The following PPM1A variants were observed in gnomAD, a reference collection of about 807,000 sequenced individuals.
PPM1A encodes protein phosphatase, Mg2+/Mn2+ dependent 1A.
In PPM1A, 7 loss-of-function variants were observed where a neutral mutation model predicts 35.0. That is an observed-to-expected ratio of 0.20 (90% CI 0.11 to 0.38). PPM1A has a LOEUF of 0.38. PPM1A is among the 10% of genes least tolerant of loss of function. The pLI is 1.00. For synonymous variants in PPM1A, 153 were observed against 167.3 expected (o/e 0.91, Z 0.66); for missense variants, 239 against 467.8 (o/e 0.51, Z 4.51).
At chr14:60,266,655 G>A (rs1038485373) in intron 1 of PPM1A, among the ~76,000 whole-genome samples, 12 of 152,220 alleles carry the variant, frequency 7.9e-5, no homozygotes, top group East Asian at 7.7e-4. Flanking sequence ...TGGATTCTCA[G>A]TTCTATTCCA....
chr14:60,296,936 A>T lies in PPM1A; in HGVS notation c.*4454A>T. On this transcript the variant is annotated 3_prime_UTR_variant, in exon 6 of 6. Coordinates refer to ENST00000395076, the MANE Select transcript of PPM1A (RefSeq NM_021003.5). The surrounding 1 kb of genome is among the most constrained non-coding windows in gnomAD (Gnocchi z 4.4). ...TTCTGCTCTCACTGTTTTCCTATTT[A>T]TATTACTAGCAGGTAGGAGTGCTAA... The T allele has an allele frequency of 3.7e-6, 1 of 267,394 alleles. No individual in the cohort carries two copies. The highest frequency in any genetic ancestry group is 6.9e-6 in the Non-Finnish European group (1 of 144,374). The allele number at this position is 267,394 out of a possible 1,614,324, so 16.6% of individuals were successfully genotyped here.
At chr14:60,285,805 TA>T in intron 3 of PPM1A, 64 bp downstream of exon 3, 1 of 1,584,706 alleles carries the variant, frequency 6.3e-7, no homozygotes, top group Non-Finnish European at 8.6e-7. Flanking sequence ...AATCAAACTT[TA>T]ACATTTTAGC....
chr14:60,251,890 A>G (rs1882470319), intron 1 of PPM1A, among the ~76,000 whole-genome samples: 1 of 152,148 alleles, frequency 6.6e-6, no homozygotes, highest in Non-Finnish European at 1.5e-5. Flanking sequence ...GGTTGAGACT[A>G]CAGGTTTGAA....
upstream of PPM1A, among the ~76,000 whole-genome samples, chr14:60,248,139 G>C (rs1192393643): frequency 6.6e-6 from 1 of 152,196 alleles, no homozygotes; most frequent in Admixed American, 6.5e-5. Flanking sequence ...TGGCTGCCTA[G>C]GGTTTGTCAT....
At chr14:60,249,006 G>A (rs553761433), upstream of PPM1A, among the ~76,000 whole-genome samples, 147 of 152,264 alleles carry the variant, frequency 9.7e-4, no homozygotes, top group African/African-American at 3.0e-3. This position sits in a 1 kb window ranked among gnomAD's most constrained non-coding sequence, Gnocchi z 4.5. Flanking sequence ...AGCAGCAGCG[G>A]CAGAGAAAGA....
chr14:60,246,653 C>T (rs74392750), upstream of PPM1A, among the ~76,000 whole-genome samples: 1,164 of 152,132 alleles, frequency 7.7e-3, 17 homozygotes, highest in African/African-American at 0.027. Context: ...TTCTATCTGT[C>T]CCCCCTTCTT....
rs542463602 is a variant in PPM1A at position 60,282,094 on chromosome 14, A to G, written c.-20-590A>G. Among the ~76,000 whole-genome samples the G allele has an allele frequency of 1.3e-5, 2 of 152,296 alleles. No homozygotes were observed. The highest frequency in any genetic ancestry group is 2.1e-4 in the South Asian group (1 of 4,828). On this transcript the variant is annotated intron_variant, in intron 1 of 5. Coordinates refer to ENST00000395076, the MANE Select transcript of PPM1A (RefSeq NM_021003.5). This position sits in a 1 kb window ranked among gnomAD's most constrained non-coding sequence, Gnocchi z 5.1. ...TAAAAGGATAGGTATACTTTTTTCT[A>G]TAAATAGGATGAGGCAAGAGTTTCC...
At chr14:60,288,084 G>T (rs1278593775) in intron 3 of PPM1A, 1 of 981,804 alleles carries the variant, frequency 1.0e-6, no homozygotes, top group Non-Finnish European at 1.2e-6. Flanking sequence ...TTTTTTGAAA[G>T]CAGACAGAAG....
intron 1 of PPM1A, among the ~76,000 whole-genome samples, chr14:60,280,147 G>A (rs1353297410): frequency 1.3e-5 from 2 of 152,002 alleles, no homozygotes; most frequent in African/African-American, 2.4e-5. Flanking sequence ...CCGGGATTAC[G>A]GGCATGCGCC....
chr14:60,277,043 A>T, intron 1 of PPM1A: 2 of 1,212,518 alleles, frequency 1.6e-6, no homozygotes, highest in Non-Finnish European at 2.1e-6. Context: ...TGATAATACT[A>T]GTGCTGTGAT....
At position 60,286,042 on chromosome 14, in the gene PPM1A, A is replaced by AT. The variant is rs1225834168; in HGVS notation, c.952+305dup. 8.8e-6 allele frequency: 9 copies of AT among 1,026,514 alleles called. No individual in the cohort carries two copies. In the African/African-American group the frequency reaches 1.5e-4, roughly 17 times the overall value. 63.6% of individuals were successfully genotyped at this position (1,026,514 alleles called of 1,614,324 possible). On this transcript the variant is annotated intron_variant, in intron 3 of 5. Transcript: ENST00000395076. The stretch of plus-strand genomic sequence containing the variant: ...CTTAATGAATTCACTGGCATGAGTA[A>AT]TTTTATGCCGGGAAAATCTGATTTG...
At chr14:60,246,395 A>C (rs1285658325), upstream of PPM1A, among the ~76,000 whole-genome samples, 2 of 152,172 alleles carry the variant, frequency 1.3e-5, no homozygotes, top group African/African-American at 4.8e-5. Context: ...ACACACACTA[A>C]ATTCAGGACT....
At chr14:60,284,684 T>C in intron 2 of PPM1A, among the ~76,000 whole-genome samples, 1 of 112,774 alleles carries the variant, frequency 8.9e-6, no homozygotes, top group South Asian at 2.5e-4. Context: ...TGAGCGTATG[T>C]ATATATATAT....
In PPM1A at chr14:60,286,111, A is replaced by T. The variant is rs117828254; in HGVS notation, c.952+370A>T. 2.1e-3 allele frequency: 2,072 copies of T among 988,818 alleles called. 1 individual carries two copies. Among genetic ancestry groups the T allele is most frequent in the Non-Finnish European group, 2.4e-3 (1,963 of 831,294 alleles). The allele number at this position is 988,818 out of a possible 1,614,324, so 61.3% of individuals were successfully genotyped here. On this transcript the variant is annotated intron_variant, in intron 3 of 5. Transcript: ENST00000395076. ...AGAGATTGTGATGGTGATAATTTGA[A>T]TACCATCTTTCTATGAAAAGCTGTG... is the stretch of plus-strand genomic sequence containing the variant.
chr14:60,246,616 T>G (rs1201773358), upstream of PPM1A, among the ~76,000 whole-genome samples: 1 of 152,182 alleles, frequency 6.6e-6, no homozygotes, highest in Non-Finnish European at 1.5e-5. Context: ...GAACTTTCAA[T>G]CCTCTTTTTT....
At chr14:60,251,488 T>C (rs1046535062) in intron 1 of PPM1A, among the ~76,000 whole-genome samples, 1 of 152,256 alleles carries the variant, frequency 6.6e-6, no homozygotes, top group African/African-American at 2.4e-5. Context: ...TAGTCATGGC[T>C]GTGCTCCAAA....
chr14:60,255,665 G>A (rs1007929024), intron 1 of PPM1A, among the ~76,000 whole-genome samples: 2 of 152,200 alleles, frequency 1.3e-5, no homozygotes, highest in South Asian at 4.1e-4. Flanking sequence ...GTAGGAGGAG[G>A]TAGTAGAAGT....
chr14:60,268,393 T>C, intron 1 of PPM1A: 2 of 969,696 alleles, frequency 2.1e-6, no homozygotes, highest in Non-Finnish European at 2.5e-6. Context: ...CAGAGAATTG[T>C]ACAGAGTGAT....
chr14:60,288,459 C>T (rs1467599105), intron 3 of PPM1A: 1 of 983,606 alleles, frequency 1.0e-6, no homozygotes, highest in African/African-American at 1.7e-5. Context: ...CATCAAATCC[C>T]TTTATTTTTG....
Sources: gnomAD v4.1 joint callset for allele counts (sites outside exome capture counted in the v4.1 genomes callset) on GRCh38, gnomAD v4.1.1 for gene constraint, Gnocchi (gnomAD v3.1) non-coding constraint, MANE v1.5 for transcripts, NCBI Gene and HGNC (gene_info 2026-07-23, HGNC 2026-07-21) for gene names.